Variants in TRIM14 observed in about 807,000 individuals in gnomAD.
TRIM14 encodes the protein tripartite motif-containing protein 14.
A neutral mutation model predicts 44.5 loss-of-function variants in TRIM14; 28 were observed. The observed-to-expected ratio is 0.63, with a 90% confidence interval of 0.47 to 0.86. The LOEUF (loss-of-function observed/expected upper bound fraction) is 0.86. Ranked by LOEUF, TRIM14 falls within the 40% of genes least tolerant of loss-of-function variation. The probability of loss-of-function intolerance (pLI) is 0.00; values close to 1 mark genes in which losing one functional copy is unlikely to be tolerated. For missense variants in TRIM14, 607 were observed against 611.1 expected, an observed-to-expected ratio of 0.99 and a Z score of 0.07; for synonymous variants, 299 against 269.2, an observed-to-expected ratio of 1.11 and a Z score of -1.08.
rs1825727040 is a variant in TRIM14 at position 98,085,118 on chromosome 9, A to T, written c.*2352T>A. 2 of 152,320 alleles carry T rather than the reference A, an allele frequency of 1.3e-5. No individual in the cohort carries two copies. Among genetic ancestry groups the T allele is most frequent in the Admixed American group, 1.3e-4 (2 of 15,284 alleles). 9.4% of individuals were successfully genotyped at this position (152,320 alleles called of 1,614,324 possible). A position where few individuals can be genotyped will look rare whatever the true frequency, so the allele number is the denominator to read the frequency against. On this transcript the variant is annotated 3_prime_UTR_variant, in exon 6 of 6. Coordinates refer to ENST00000341469, the MANE Select transcript of TRIM14 (RefSeq NM_014788.4). ...GTTCCCCTCTGGGCCATAAGGCCTCATCTCAGACCCCCAAGGAAGGCAGTC... is the reference window on the plus strand; with the variant it reads ...GTTCCCCTCTGGGCCATAAGGCCTCTTCTCAGACCCCCAAGGAAGGCAGTC...
At chr9:98,040,050 C>T in the TRIM14 span, among the ~76,000 whole-genome samples, 1 of 152,236 alleles carries the variant, frequency 6.6e-6, no homozygotes, top group Non-Finnish European at 1.5e-5. Context: ...CACTATGTTG[C>T]CTAGGCTGCT....
chr9:98,093,184 T>C (rs1366704474), intron 4 of TRIM14, among the ~76,000 whole-genome samples: 1 of 152,148 alleles, frequency 6.6e-6, no homozygotes, highest in African/African-American at 2.4e-5. Context: ...TTCTGATCTC[T>C]TTCCTCTCTC....
chr9:98,093,321 G>C (rs770233684), intron 4 of TRIM14, among the ~76,000 whole-genome samples: 2 of 152,130 alleles, frequency 1.3e-5, no homozygotes, highest in African/African-American at 4.8e-5. Flanking sequence ...TCCCCCAGAC[G>C]TAACAGCAGC....
chr9:98,099,185 G>C (rs997200422), intron 3 of TRIM14, among the ~76,000 whole-genome samples: 2 of 152,006 alleles, frequency 1.3e-5, no homozygotes, highest in Non-Finnish European at 2.9e-5. Context: ...GATTGCGGTG[G>C]CTCACACCTA....
chr9:98,078,036 A>G, intron 6 of TRIM14: 1 of 1,104,464 alleles, frequency 9.1e-7, no homozygotes, highest in Non-Finnish European at 1.3e-6. Flanking sequence ...CAGGAACCCA[A>G]CAAGCTCCTC....
Position 98,109,948 on chromosome 9 carries a change from T to G in TRIM14, c.244A>C (p.Lys82Gln). 1.9e-6 allele frequency: 3 copies of G among 1,614,064 alleles called. No homozygotes were observed. Among genetic ancestry groups the G allele is most frequent in the Non-Finnish European group, 2.5e-6 (3 of 1,179,986 alleles). The change falls in exon 2 of 6, where the codon AAG becomes CAG. Residue 82 changes from lysine (K) to glutamine (Q), a missense_variant. Lys to Gln is a moderately conservative substitution (Grantham distance 53). Transcript: ENST00000341469. ...SQECLKQLAI[K>Q]KQQHIDNITQ... ...ATGTTGTCAATGTGCTGCTGCTTCT[T>G]GATTGCCAGCTGCTTTAAACATTCT... is the stretch of plus-strand genomic sequence containing the variant.
chr9:98,103,903 C>A (rs1444744952), intron 2 of TRIM14, among the ~76,000 whole-genome samples: 1 of 151,922 alleles, frequency 6.6e-6, no homozygotes, highest in Non-Finnish European at 1.5e-5. Context: ...TCTGCACAGT[C>A]CACATAGCAG....
the TRIM14 span, among the ~76,000 whole-genome samples, chr9:98,047,143 C>T: frequency 6.6e-6 from 1 of 152,200 alleles, no homozygotes; most frequent in East Asian, 1.9e-4. Context: ...GGCGGTTTCC[C>T]CCATACTGTT....
downstream of TRIM14, among the ~76,000 whole-genome samples, chr9:98,065,010 G>A (rs1829094827): frequency 3.9e-5 from 6 of 152,288 alleles, no homozygotes; most frequent in South Asian, 1.2e-3. Flanking sequence ...GCAACCTGGG[G>A]CAGGGGCCTC....
chr9:98,108,819 GTGCC>G (rs1313746582), intron 2 of TRIM14, among the ~76,000 whole-genome samples: 1 of 151,508 alleles, frequency 6.6e-6, no homozygotes, highest in African/African-American at 2.4e-5. Context: ...GAGAAACTGG[GTGCC>G]AGCTTCTCCC....
the TRIM14 span, among the ~76,000 whole-genome samples, chr9:98,051,161 A>G: frequency 2.6e-5 from 4 of 152,154 alleles, no homozygotes; most frequent in Admixed American, 2.0e-4. Flanking sequence ...AACACTTAAA[A>G]CCTTTGAGAG....
intron 2 of TRIM14, among the ~76,000 whole-genome samples, chr9:98,104,443 C>T (rs1826525114): frequency 6.6e-6 from 1 of 152,102 alleles, no homozygotes; most frequent in African/African-American, 2.4e-5. Flanking sequence ...AGCACAGTGG[C>T]AACCAGTATG....
the TRIM14 span, among the ~76,000 whole-genome samples, chr9:98,046,342 C>A: frequency 1.3e-5 from 2 of 152,088 alleles, no homozygotes; most frequent in South Asian, 2.1e-4. Flanking sequence ...GTGGAACATT[C>A]CAAATGAATA....
At chr9:98,054,231 C>G in the TRIM14 span, among the ~76,000 whole-genome samples, 1 of 152,002 alleles carries the variant, frequency 6.6e-6, no homozygotes, top group Non-Finnish European at 1.5e-5. Context: ...CCTCAGAGAT[C>G]CCCTCCACAT....
intron 5 of TRIM14, among the ~76,000 whole-genome samples, chr9:98,089,461 G>A (rs542547757): frequency 6.6e-6 from 1 of 152,264 alleles, no homozygotes; most frequent in Admixed American, 6.5e-5. Flanking sequence ...ACAGGTGTGA[G>A]CCACTGTGCC....
the TRIM14 span, chr9:98,056,946 G>C: frequency 6.3e-7 from 1 of 1,579,312 alleles, no homozygotes; most frequent in Non-Finnish European, 8.6e-7. Flanking sequence ...CCAAGGTGAG[G>C]CGGCAGCTCC....
At chr9:98,074,215 A>G (rs1017551280) in intron 6 of TRIM14, among the ~76,000 whole-genome samples, 15 of 152,330 alleles carry the variant, frequency 9.8e-5, no homozygotes, top group South Asian at 4.1e-4. Flanking sequence ...GAGGCTATCC[A>G]TGGGACCCAT....
chr9:98,082,023 C>T (rs142468695), downstream of TRIM14: 5 of 152,226 alleles, frequency 3.3e-5, no homozygotes, highest in East Asian at 7.7e-4. Context: ...ACATTTTTTC[C>T]TGGCACCACA....
chr9:98,062,272 CCTTGACTGA>C, the TRIM14 span, among the ~76,000 whole-genome samples: 3 of 151,428 alleles, frequency 2.0e-5, no homozygotes, highest in Non-Finnish European at 4.4e-5. Context: ...TGCTGACTAG[CCTTGACTGA>C]CTTGAGTGGG....
Sources: allele counts gnomAD v4.1 joint callset (sites outside exome capture counted in the v4.1 genomes callset), GRCh38; gene constraint gnomAD v4.1.1; transcripts MANE v1.5; gene names NCBI Gene and HGNC (gene_info 2026-07-23, HGNC 2026-07-21).